The following ATP6V0A1 variants were observed in gnomAD, a reference collection of about 807,000 sequenced individuals.
ATP6V0A1 encodes V-type proton ATPase 116 kDa subunit a 1.
ATP6V0A1 carries 43 observed loss-of-function variants against 105.4 expected under a neutral mutation model. The observed-to-expected ratio is 0.41, with a 90% CI of 0.32 to 0.53. The LOEUF is 0.53. Among genes scored for constraint, ATP6V0A1 ranks in the 20% least tolerant of loss-of-function variants. ATP6V0A1 has a pLI of 0.30. For missense variants in ATP6V0A1, 676 were observed against 1,051.1 expected, an observed-to-expected ratio of 0.64 and a Z score of 4.93; for synonymous variants, 362 against 372.8, an observed-to-expected ratio of 0.97 and a Z score of 0.33.
chr17:42,515,976 T>C (rs994434320), intron 21 of ATP6V0A1, among the ~76,000 whole-genome samples: 2 of 152,184 alleles, frequency 1.3e-5, no homozygotes, highest in East Asian at 1.9e-4. Context: ...GATTCTCTTT[T>C]TGGGGGTCTC....
chr17:42,512,537 A>G (rs1160526523), intron 19 of ATP6V0A1, among the ~76,000 whole-genome samples: 2 of 152,176 alleles, frequency 1.3e-5, no homozygotes, highest in African/African-American at 2.4e-5. Flanking sequence ...TTTCAGGGTA[A>G]GTAAGGAAGC....
intron 12 of ATP6V0A1, 80 bp downstream of exon 12, chr17:42,494,553 G>T: frequency 1.4e-6 from 2 of 1,475,106 alleles, no homozygotes; most frequent in Non-Finnish European, 9.2e-7. Context: ...TGATCTGGAA[G>T]TCTTTTATCC....
In ATP6V0A1 at chr17:42,521,178, A is replaced by G. The variant is rs750695857; in HGVS notation, c.*58A>G. 7.1e-6 allele frequency: 10 copies of G among 1,417,422 alleles called. No individual in the cohort carries two copies. Among genetic ancestry groups the G allele is most frequent in the Non-Finnish European group, 9.6e-6 (10 of 1,036,608 alleles). The allele number at this position is 1,417,422 out of a possible 1,614,324, so 87.8% of individuals were successfully genotyped here. A position where few individuals can be genotyped will look rare whatever the true frequency, so the allele number is the denominator to read the frequency against. On this transcript the variant is annotated 3_prime_UTR_variant, in exon 22 of 22. Transcript: ENST00000343619. The surrounding 1 kb of genome is among the most constrained non-coding windows in gnomAD (Gnocchi z 4.8). The stretch of plus-strand genomic sequence containing the variant: ...CTCCCCGCCTCCCTCCACAGTGATC[A>G]GCTGTGCCTCTCTGCCTGTTGGTTG...
chr17:42,466,554 G>A, intron 3 of ATP6V0A1, 47 bp downstream of exon 3: 1 of 1,501,434 alleles, frequency 6.7e-7, no homozygotes, highest in Non-Finnish European at 9.3e-7. Flanking sequence ...TGAATCATTT[G>A]TCTTAGATTA....
intron 14 of ATP6V0A1, among the ~76,000 whole-genome samples, chr17:42,498,230 C>A (rs527451208): frequency 6.6e-6 from 1 of 152,096 alleles, no homozygotes; most frequent in Admixed American, 6.6e-5. Flanking sequence ...GAGCGAAATT[C>A]CATCTCAATA....
At chr17:42,495,372 AT>A (rs371402666) in intron 13 of ATP6V0A1, among the ~76,000 whole-genome samples, 184 bp downstream of exon 13, 298 of 141,306 alleles carry the variant, frequency 2.1e-3, no homozygotes, top group Middle Eastern at 3.7e-3. Flanking sequence ...ATTAGAAATG[AT>A]TTTTTTTTTT....
At chr17:42,484,132 A>G (rs1054506457) in intron 9 of ATP6V0A1, among the ~76,000 whole-genome samples, 1 of 152,020 alleles carries the variant, frequency 6.6e-6, no homozygotes, top group African/African-American at 2.4e-5. Flanking sequence ...ATCTCGGCTC[A>G]CTGCAAGCTC....
chr17:42,491,064 G>A (rs915729439), intron 11 of ATP6V0A1, among the ~76,000 whole-genome samples: 2 of 151,752 alleles, frequency 1.3e-5, no homozygotes, highest in African/African-American at 4.8e-5. Context: ...TTGCTATGTT[G>A]CCCAGGCTGA....
At chr17:42,483,703 T>G (rs781469045) in intron 9 of ATP6V0A1, among the ~76,000 whole-genome samples, 26 of 152,226 alleles carry the variant, frequency 1.7e-4, no homozygotes, top group Non-Finnish European at 1.3e-4. Flanking sequence ...TGCCTCATCC[T>G]CCCAAGTAGC....
At chr17:42,501,897 G>A (rs2091701316) in intron 17 of ATP6V0A1, among the ~76,000 whole-genome samples, 1 of 152,038 alleles carries the variant, frequency 6.6e-6, no homozygotes, top group Non-Finnish European at 1.5e-5. Context: ...AGCCAAGCGT[G>A]TTGGCGCGTG....
Position 42,477,718 on chromosome 17 carries a change from G to A in ATP6V0A1, c.482G>A (p.Gly161Glu). 1 of 1,613,882 alleles carries A rather than the reference G, an allele frequency of 6.2e-7. No homozygotes were observed. Among genetic ancestry groups the A allele is most frequent in the Non-Finnish European group, 8.5e-7 (1 of 1,179,886 alleles). The part of the protein sequence containing the change: ...SSSLLEPSEM[G>E]RGTPLRLGFV... ...TCCCTCTTGGAGCCAAGTGAGATGG[G>A]AAGAGGCACTCCTTTAAGACTTGGG... The change falls in exon 6 of 22, where the codon GGA (glycine) becomes GAA (glutamate). Residue 161 changes from glycine to glutamate, a missense_variant. Transcript: ENST00000343619.
chr17:42,477,871 T>C, intron 6 of ATP6V0A1, 129 bp downstream of exon 6: 1 of 735,182 alleles, frequency 1.4e-6, no homozygotes, highest in South Asian at 2.1e-5. Context: ...GAGATAGTCC[T>C]ACAACTCTGG....
intron 19 of ATP6V0A1, among the ~76,000 whole-genome samples, chr17:42,512,854 C>T (rs931522891): frequency 6.6e-6 from 1 of 152,214 alleles, no homozygotes; most frequent in South Asian, 2.1e-4. Context: ...GCCACTGAGC[C>T]CTCAGGAGTG....
intron 11 of ATP6V0A1, 34 bp downstream of exon 11, chr17:42,490,671 G>GT (rs750403916): frequency 4.0e-5 from 63 of 1,557,044 alleles, no homozygotes; most frequent in Admixed American, 1.0e-4. Flanking sequence ...TTCCTCTAGA[G>GT]TTTTTTTTGT....
At chr17:42,498,739 T>C (rs2146099431) in intron 14 of ATP6V0A1, among the ~76,000 whole-genome samples, 185 bp from the exon 15 acceptor site, 1 of 152,212 alleles carries the variant, frequency 6.6e-6, no homozygotes, top group East Asian at 1.9e-4. Context: ...GGCAGGAGAA[T>C]GGCGTGAACC....
At chr17:42,488,149 T>C (rs896915076) in intron 10 of ATP6V0A1, among the ~76,000 whole-genome samples, 1 of 152,138 alleles carries the variant, frequency 6.6e-6, no homozygotes, top group African/African-American at 2.4e-5. Context: ...GTTCCAACTA[T>C]GGAGTTGGAA....
intron 14 of ATP6V0A1, among the ~76,000 whole-genome samples, chr17:42,498,039 T>C (rs574279910): frequency 6.6e-6 from 1 of 151,418 alleles, no homozygotes; most frequent in East Asian, 1.9e-4. Flanking sequence ...AGACCTGAGG[T>C]CAGGAGTTTG....
chr17:42,520,214 T>C (rs982157607), intron 21 of ATP6V0A1: 2 of 350,222 alleles, frequency 5.7e-6, no homozygotes, highest in East Asian at 1.5e-4. Flanking sequence ...CTTGGCCTTT[T>C]TATCCCCTGA....
intron 19 of ATP6V0A1, chr17:42,510,978 C>A (rs1207259052): frequency 6.6e-6 from 1 of 152,026 alleles, no homozygotes; most frequent in African/African-American, 2.4e-5. Context: ...GAGATTGACT[C>A]CCAGACTCTC....
Sources: gnomAD v4.1 joint callset for allele counts (sites outside exome capture counted in the v4.1 genomes callset) on GRCh38, gnomAD v4.1.1 for gene constraint, Gnocchi (gnomAD v3.1) non-coding constraint, MANE v1.5 for transcripts, NCBI Gene and HGNC (gene_info 2026-07-23, HGNC 2026-07-21) for gene names.